The following CTNNA3 variants were observed in gnomAD, a reference collection of about 807,000 sequenced individuals.
CTNNA3 encodes catenin alpha-3.
CTNNA3 carries 76 observed loss-of-function variants against 95.7 expected under a neutral mutation model. The ratio of observed to expected loss-of-function variants is 0.79; its 90% confidence interval spans 0.66 to 0.96. The LOEUF (loss-of-function observed/expected upper bound fraction) is 0.96. CTNNA3 is among the 40% of genes least tolerant of loss of function. CTNNA3 has a pLI of 0.00. For synonymous variants in CTNNA3, 431 were observed against 374.4 expected (o/e 1.15, Z -1.74); for missense variants, 1,191 against 1,089.8 (o/e 1.09, Z -1.31).
chr10:66,451,058 GTACACACACA>G (rs1274632967), intron 11 of CTNNA3, among the ~76,000 whole-genome samples: 1 of 152,082 alleles, frequency 6.6e-6, no homozygotes, highest in East Asian at 1.9e-4. Context: ...AATAGCACGT[GTACACACACA>G]TACACACACA....
intron 7 of CTNNA3, among the ~76,000 whole-genome samples, chr10:67,020,572 G>T (rs532987643): frequency 6.6e-6 from 1 of 152,058 alleles, no homozygotes; most frequent in African/African-American, 2.4e-5. Flanking sequence ...ACTAAATTTT[G>T]TTATGTCTTA....
At chr10:66,509,702 C>T (rs185114713) in intron 11 of CTNNA3, among the ~76,000 whole-genome samples, 143 of 151,772 alleles carry the variant, frequency 9.4e-4, no homozygotes, top group Non-Finnish European at 1.9e-3. Context: ...TTTCTGGGTT[C>T]TCTATCTTAT....
At chr10:66,182,730 G>T (rs2086119323) in intron 13 of CTNNA3, among the ~76,000 whole-genome samples, 1 of 129,252 alleles carries the variant, frequency 7.7e-6, no homozygotes, top group Non-Finnish European at 1.6e-5. Context: ...AAAAAAAGAT[G>T]ATTTTTTTTT....
At chr10:67,317,929 G>A (rs1841130784) in intron 5 of CTNNA3, among the ~76,000 whole-genome samples, 2 of 152,038 alleles carry the variant, frequency 1.3e-5, no homozygotes, top group South Asian at 4.2e-4. Flanking sequence ...TTAAAATCAG[G>A]AGACAGCTTA....
chr10:66,721,751 T>A (rs1442853367), intron 9 of CTNNA3, among the ~76,000 whole-genome samples: 3 of 152,210 alleles, frequency 2.0e-5, no homozygotes, highest in Admixed American at 6.5e-5. Flanking sequence ...CTACTGTTAA[T>A]AACAAAACAA....
chr10:67,689,698 G>C (rs1317420758), intron 1 of CTNNA3, among the ~76,000 whole-genome samples: 1 of 152,072 alleles, frequency 6.6e-6, no homozygotes, highest in Non-Finnish European at 1.5e-5. Context: ...CCTCGGCTCA[G>C]CCTGGAAGTA....
chr10:67,521,272 T>G (rs1319927654), intron 5 of CTNNA3, among the ~76,000 whole-genome samples: 2 of 152,180 alleles, frequency 1.3e-5, no homozygotes, highest in African/African-American at 2.4e-5. Context: ...AAAGTTTATT[T>G]CAGCTCTCTA....
chr10:66,962,993 G>A (rs1849203027), intron 7 of CTNNA3, among the ~76,000 whole-genome samples: 1 of 141,966 alleles, frequency 7.0e-6, no homozygotes, highest in Admixed American at 7.0e-5. Flanking sequence ...AATGAATGAA[G>A]GGGTTCTTTG....
chr10:66,844,024 A>G (rs1006927378), intron 7 of CTNNA3, among the ~76,000 whole-genome samples: 6 of 152,362 alleles, frequency 3.9e-5, no homozygotes, highest in African/African-American at 1.4e-4. Context: ...GGATCCAGAG[A>G]GCCCTGTTTT....
intron 3 of CTNNA3, among the ~76,000 whole-genome samples, chr10:67,600,278 A>C (rs1331081876): frequency 6.6e-6 from 1 of 152,192 alleles, no homozygotes; most frequent in African/African-American, 2.4e-5. Context: ...TAACGTAAGA[A>C]AATATCTTCT....
chr10:66,115,106 G>A (rs1321085350), intron 13 of CTNNA3, among the ~76,000 whole-genome samples: 1 of 152,106 alleles, frequency 6.6e-6, no homozygotes, highest in African/African-American at 2.4e-5. Context: ...GGACGTGTCA[G>A]CAATACAAAA....
At chr10:66,872,611 G>A (rs1479756679) in intron 7 of CTNNA3, among the ~76,000 whole-genome samples, 4 of 152,098 alleles carry the variant, frequency 2.6e-5, no homozygotes, top group African/African-American at 9.7e-5. Context: ...GGAGGTTACA[G>A]TGAGCCGAGA....
chr10:66,369,479 A>G (rs1470430275), intron 12 of CTNNA3, among the ~76,000 whole-genome samples: 3 of 151,960 alleles, frequency 2.0e-5, no homozygotes, highest in African/African-American at 7.2e-5. Context: ...TTCATTGATG[A>G]TCTTATGATA....
chr10:67,673,650 T>C (rs1353931455), intron 1 of CTNNA3, among the ~76,000 whole-genome samples: 3 of 149,254 alleles, frequency 2.0e-5, no homozygotes, highest in Non-Finnish European at 4.5e-5. Flanking sequence ...TCTGTTTATA[T>C]GCTGGATTAC....
At chr10:67,128,944 C>T (rs576088425) in intron 7 of CTNNA3, among the ~76,000 whole-genome samples, 27 of 151,664 alleles carry the variant, frequency 1.8e-4, no homozygotes, top group African/African-American at 6.1e-4. Flanking sequence ...TGAAACTAGG[C>T]TAATCATGAA....
intron 10 of CTNNA3, among the ~76,000 whole-genome samples, chr10:66,548,920 T>C (rs1842123549): frequency 6.6e-6 from 1 of 151,866 alleles, no homozygotes; most frequent in South Asian, 2.1e-4. Context: ...GTAATTTTTA[T>C]AATGGAAAGG....
intron 7 of CTNNA3, among the ~76,000 whole-genome samples, chr10:66,829,612 CA>C (rs58624241): frequency 1.9e-4 from 26 of 136,736 alleles, no homozygotes; most frequent in South Asian, 2.4e-4. Flanking sequence ...GACTCTGTCT[CA>C]AAAAAAAAAA....
intron 5 of CTNNA3, among the ~76,000 whole-genome samples, chr10:67,389,453 T>A (rs1189693965): frequency 6.6e-6 from 1 of 151,712 alleles, no homozygotes; most frequent in African/African-American, 2.4e-5. Flanking sequence ...CTCCCACACA[T>A]TAAAAATGGG....
rs376450997 is a variant in CTNNA3 at position 67,726,962 on chromosome 10, TTA to T, written c.-2+36470_-2+36471del. ...ATCATATATATTATATATTATATAA[TTA>T]TATATATAATATACGATACATATAT... On this transcript the variant is annotated intron_variant, in intron 1 of 17. Coordinates refer to the CTNNA3 transcript ENST00000684154. Among the ~76,000 whole-genome samples, 1,018 of 113,410 alleles carry T rather than the reference TTA, an allele frequency of 9.0e-3. 16 individuals carry two copies. The highest frequency in any genetic ancestry group is 0.013 in the Non-Finnish European group (792 of 61,586). The allele number at this position is 113,410 out of a possible 152,430, so 74.4% of individuals were successfully genotyped here.
Sources: allele counts gnomAD v4.1 joint callset (sites outside exome capture counted in the v4.1 genomes callset), GRCh38; gene constraint gnomAD v4.1.1; transcripts MANE v1.5; gene names NCBI Gene and HGNC (gene_info 2026-07-23, HGNC 2026-07-21).